DAAM1: variants seen among roughly 807,000 people sequenced by gnomAD.
DAAM1 encodes the protein disheveled-associated activator of morphogenesis 1.
DAAM1 carries 52 observed loss-of-function variants against 130.0 expected under a neutral mutation model. The observed-to-expected ratio is 0.40, with a 90% CI of 0.32 to 0.50. The LOEUF is 0.50. Among genes scored for constraint, DAAM1 ranks in the 20% least tolerant of loss-of-function variants. The pLI is 0.61. For synonymous variants in DAAM1, 452 were observed against 444.5 expected (o/e 1.02, Z -0.21); for missense variants, 1,134 against 1,303.8 (o/e 0.87, Z 2.01).
At chr14:59,190,932 T>A (rs1242319173) in intron 1 of DAAM1, among the ~76,000 whole-genome samples, 1 of 152,256 alleles carries the variant, frequency 6.6e-6, no homozygotes, top group Non-Finnish European at 1.5e-5. Context: ...CTACCACTAC[T>A]ATTATTCCAG....
intron 4 of DAAM1, among the ~76,000 whole-genome samples, chr14:59,319,335 C>T (rs1424404251): frequency 2.0e-5 from 3 of 152,164 alleles, no homozygotes; most frequent in South Asian, 2.1e-4. Context: ...TTGATCTTTA[C>T]CCTTCTCATT....
rs187265667 is a variant in DAAM1 at position 59,261,788 on chromosome 14, T to G, written c.-37-1653T>G. On this transcript the variant is annotated intron_variant, in intron 1 of 24. Coordinates refer to ENST00000360909, the MANE Select transcript of DAAM1 (RefSeq NM_001270520.2). ...AGATTTTGGAGTTGGATTATCTGAT[T>G]TGGAAGATGCCATAAGTCGATGGGT... Among the ~76,000 whole-genome samples, 243 of 152,326 alleles carry G rather than the reference T, an allele frequency of 1.6e-3. 4 individuals are homozygous for G. The highest frequency in any genetic ancestry group is 5.9e-4 in the Non-Finnish European group (40 of 68,038).
chr14:59,330,735 A>G, intron 13 of DAAM1, 47 bp downstream of exon 13: 1 of 1,531,534 alleles, frequency 6.5e-7, no homozygotes, highest in Non-Finnish European at 8.8e-7. Context: ...GGCCTCACTG[A>G]CCCTAGAGCC....
intron 1 of DAAM1, among the ~76,000 whole-genome samples, chr14:59,209,410 G>C (rs997272189): frequency 6.6e-6 from 1 of 152,108 alleles, no homozygotes. Context: ...CAAAAGGTGC[G>C]TAATTTTCGT....
At position 59,330,558 on chromosome 14, in the gene DAAM1, C is replaced by G; in HGVS notation, c.1430C>G (p.Thr477Ser). 2 of 1,613,800 alleles carry G rather than the reference C, an allele frequency of 1.2e-6. No individual in the cohort carries two copies. Among genetic ancestry groups the G allele is most frequent in the Non-Finnish European group, 1.7e-6 (2 of 1,179,890 alleles). Residue 477 changes from threonine to serine, a missense_variant, in exon 13 of 25, where the codon ACT (threonine) becomes AGT (serine). Transcript: ENST00000360909. ...EKKERECDAKTQEKEEMMQTL... is the reference protein window; with the variant it reads ...EKKERECDAKSQEKEEMMQTL... The stretch of plus-strand genomic sequence containing the variant: ...AAAGAACGAGAATGTGATGCTAAGA[C>G]TCAAGAGAAGGAAGAGATGATGCAG...
intron 16 of DAAM1, among the ~76,000 whole-genome samples, chr14:59,343,781 T>G (rs1161303375): frequency 6.6e-6 from 1 of 152,022 alleles, no homozygotes. Context: ...CATGCCTGAG[T>G]GAGTAGGATA....
intron 3 of DAAM1, among the ~76,000 whole-genome samples, chr14:59,311,359 G>T (rs1164572623): frequency 6.6e-6 from 1 of 152,122 alleles, no homozygotes; most frequent in East Asian, 1.9e-4. Flanking sequence ...GGGAGGTGGA[G>T]GGGTGCCCCA....
At chr14:59,222,649 G>A (rs1171360120) in intron 1 of DAAM1, among the ~76,000 whole-genome samples, 1 of 152,230 alleles carries the variant, frequency 6.6e-6, no homozygotes, top group Non-Finnish European at 1.5e-5. Context: ...AGGCTGACTG[G>A]CATCCATAGA....
At chr14:59,301,924 T>C (rs752981613) in intron 3 of DAAM1, among the ~76,000 whole-genome samples, 1 of 152,234 alleles carries the variant, frequency 6.6e-6, no homozygotes, top group East Asian at 1.9e-4. Flanking sequence ...ATGTGTGTGC[T>C]TTGTGGATAC....
At chr14:59,262,820 C>T (rs1264364554) in intron 1 of DAAM1, among the ~76,000 whole-genome samples, 1 of 152,130 alleles carries the variant, frequency 6.6e-6, no homozygotes, top group Non-Finnish European at 1.5e-5. Flanking sequence ...ATACAGTGAA[C>T]ATTTATGGAG....
intron 3 of DAAM1, among the ~76,000 whole-genome samples, chr14:59,303,283 A>G (rs1269479379): frequency 6.6e-6 from 1 of 152,184 alleles, no homozygotes; most frequent in African/African-American, 2.4e-5. Flanking sequence ...GCAGAGTCTG[A>G]GCAGATAGTT....
Position 59,354,250 on chromosome 14 carries a change from C to T in DAAM1, c.2356+286C>T, listed in dbSNP as rs149433375. 3.5e-3 allele frequency among the ~76,000 whole-genome samples: 529 copies of T among 152,210 alleles called. 4 individuals are homozygous for T. The highest frequency in any genetic ancestry group is 0.012 in the African/African-American group (485 of 41,542). On this transcript the variant is annotated intron_variant, in intron 19 of 24. Transcript: ENST00000360909. The stretch of plus-strand genomic sequence containing the variant: ...TAATTTTTTGTACTTTTAGTAGAGA[C>T]GGGGTTTCACCACGTTAGCCAGGAT...
intron 1 of DAAM1, among the ~76,000 whole-genome samples, chr14:59,209,537 C>G (rs1044472875): frequency 1.3e-5 from 2 of 152,172 alleles, no homozygotes; most frequent in Non-Finnish European, 1.5e-5. Flanking sequence ...AATACCCATA[C>G]AACCATTCTA....
At chr14:59,327,654 G>C (rs1885267212) in intron 12 of DAAM1, among the ~76,000 whole-genome samples, 1 of 151,948 alleles carries the variant, frequency 6.6e-6, no homozygotes, top group African/African-American at 2.4e-5. Context: ...TGATCCACCC[G>C]CCTTGGCTGC....
rs1208898730 is a variant in DAAM1, at chr14:59,329,125, C to A, written c.1373-1376C>A. On this transcript the variant is annotated intron_variant, in intron 12 of 24. Coordinates refer to ENST00000360909, the MANE Select transcript of DAAM1 (RefSeq NM_001270520.2). Reference sequence around the variant, plus strand: ...TTAGGCTGGAGCTTCCCAAACCTGGCATACATCAGGATCATCTAAGCCCTG... The same window carrying A: ...TTAGGCTGGAGCTTCCCAAACCTGGAATACATCAGGATCATCTAAGCCCTG... 4.6e-5 allele frequency among the ~76,000 whole-genome samples: 7 copies of A among 152,140 alleles called. No individual in the cohort carries two copies. In the East Asian group the frequency reaches 1.3e-3, roughly 29 times the overall value.
intron 13 of DAAM1, 42 bp from the exon 14 acceptor site, chr14:59,331,167 C>G: frequency 6.2e-7 from 1 of 1,600,040 alleles, no homozygotes; most frequent in Non-Finnish European, 8.5e-7. Flanking sequence ...AATGAATTTA[C>G]TTCTTCCATT....
chr14:59,330,058 C>T (rs185834431), intron 12 of DAAM1, among the ~76,000 whole-genome samples: 2 of 152,350 alleles, frequency 1.3e-5, no homozygotes, highest in East Asian at 3.9e-4. Flanking sequence ...TGGATGTGAG[C>T]TGGCAAACCT....
intron 3 of DAAM1, among the ~76,000 whole-genome samples, chr14:59,314,929 G>T (rs533244014): frequency 6.6e-6 from 1 of 152,238 alleles, no homozygotes; most frequent in African/African-American, 2.4e-5. Context: ...TTCTCTCATG[G>T]ATTCCATCCA....
At chr14:59,266,077 G>C (rs1400950572) in intron 2 of DAAM1, 1 of 152,000 alleles carries the variant, frequency 6.6e-6, no homozygotes, top group Non-Finnish European at 1.5e-5. Context: ...ATCAAGAAGG[G>C]CAATAATGAT....
Sources: allele counts gnomAD v4.1 joint callset (sites outside exome capture counted in the v4.1 genomes callset), GRCh38; gene constraint gnomAD v4.1.1; transcripts MANE v1.5; gene names NCBI Gene and HGNC (gene_info 2026-07-23, HGNC 2026-07-21).